CMYA5: variants seen among roughly 807,000 people sequenced by gnomAD.
CMYA5 encodes the protein cardiomyopathy-associated protein 5.
A neutral mutation model predicts 318.9 loss-of-function variants in CMYA5; 246 were observed. The observed-to-expected ratio is 0.77, with a 90% CI of 0.70 to 0.86. The LOEUF is 0.86. Ranked by LOEUF, CMYA5 falls within the 40% of genes least tolerant of loss-of-function variation. The pLI is 0.00. For missense variants in CMYA5, 4,589 were observed against 4,678.2 expected (o/e 0.98, Z 0.56); for synonymous variants, 1,641 against 1,729.5 (o/e 0.95, Z 1.27).
rs773904463 is a variant in CMYA5 at position 79,730,359 on chromosome 5, G to A, written c.1594G>A (p.Val532Ile). 53 of 1,613,846 alleles carry A rather than the reference G, an allele frequency of 3.3e-5. No individual in the cohort carries two copies. Among genetic ancestry groups the A allele is most frequent in the East Asian group, 2.5e-4 (11 of 44,884 alleles). Residue 532 changes from valine (V) to isoleucine (I), a missense_variant, in exon 2 of 13, where the codon GTA becomes ATA. Physicochemically the swap from Val to Ile is conservative, Grantham distance 29. Transcript: ENST00000446378. The stretch of plus-strand genomic sequence containing the variant: ...TTCTAATTTAGTAGAAGAAGAGATC[G>A]TAGAACTTGATTACCCAGAAAGCCC... Reference protein sequence around the residue: ...EDSNLVEEEIVELDYPESPLV... With the variant: ...EDSNLVEEEIIELDYPESPLV...
chr5:79,736,985 T>G lies in CMYA5; in HGVS notation c.8220T>G (p.Ser2740=). 1 of 1,612,988 alleles carries G rather than the reference T, an allele frequency of 6.2e-7. No homozygotes were observed. The highest frequency in any genetic ancestry group is 8.5e-7 in the Non-Finnish European group (1 of 1,179,718). Residue 2740 remains serine (S), a synonymous_variant, in exon 2 of 13, where the codon TCT becomes TCG. Transcript: ENST00000446378. The stretch of plus-strand genomic sequence containing the variant: ...ATGAAATAGAGAACCACTCTTTGTC[T>G]CAGGAAGGAAATCTAGTGTTAGAAA... ...CHDEIENHSL[S]QEGNLVLEKS...
intron 1 of CMYA5, among the ~76,000 whole-genome samples, chr5:79,705,244 C>T (rs948552363): frequency 6.6e-6 from 1 of 152,102 alleles, no homozygotes; most frequent in African/African-American, 2.4e-5. Flanking sequence ...TGCACTCCAG[C>T]CTGGGTGATA....
chr5:79,728,370 C>G (rs1473463349), intron 1 of CMYA5, among the ~76,000 whole-genome samples: 1 of 148,568 alleles, frequency 6.7e-6, no homozygotes, highest in Non-Finnish European at 1.5e-5. Flanking sequence ...GATTTTAAAG[C>G]AGGGGGTGGC....
Position 79,736,096 on chromosome 5 carries a change from A to C in CMYA5, c.7331A>C (p.Glu2444Ala), listed in dbSNP as rs749054266. Residue 2444 changes from glutamate (E) to alanine (A), a missense_variant, in exon 2 of 13, where the codon GAG (glutamate) becomes GCG (alanine). Around this residue, in one of 3 missense-constraint regions of CMYA5, gnomAD observed 2,431 missense variants for 2,495.1 expected, o/e 0.97. Coordinates refer to ENST00000446378, the MANE Select transcript of CMYA5 (RefSeq NM_153610.5). ...CCTACTTCCTTGAAAATTTCTGAAG[A>C]GGAAACAAAACTCAGGTCTGTTAGT... ...QNPTSLKISEEETKLRSVSPT... is the reference protein window; with the variant it reads ...QNPTSLKISEAETKLRSVSPT... The C allele has an allele frequency of 6.2e-7, 1 of 1,612,852 alleles. No individual in the cohort carries two copies. Among genetic ancestry groups the C allele is most frequent in the Non-Finnish European group, 8.5e-7 (1 of 1,179,602 alleles).
intron 1 of CMYA5, among the ~76,000 whole-genome samples, chr5:79,713,303 AC>A (rs1349582726): frequency 2.9e-4 from 5 of 17,224 alleles, no homozygotes; most frequent in African/African-American, 9.7e-4. Flanking sequence ...CCCCGCCCCC[AC>A]CCCCCACCCG....
Position 79,736,589 on chromosome 5 carries a change from A to T in CMYA5, c.7824A>T (p.Glu2608Asp). The T allele has an allele frequency of 6.2e-7, 1 of 1,613,806 alleles. No individual in the cohort carries two copies. Among genetic ancestry groups the T allele is most frequent in the Non-Finnish European group, 8.5e-7 (1 of 1,179,784 alleles). ...SEAMLAEAHP[E>D]IREAKAVGTQ... ...CCATGCTCGCAGAGGCTCACCCAGA[A>T]ATCAGAGAAGCAAAGGCAGTAGGAA... The change falls in exon 2 of 13, where the codon GAA becomes GAT. Residue 2608 changes from glutamate (E) to aspartate (D), a missense_variant. Around this residue, in one of 3 missense-constraint regions of CMYA5, gnomAD observed 2,431 missense variants for 2,495.1 expected, o/e 0.97. Transcript: ENST00000446378.
intron 1 of CMYA5, among the ~76,000 whole-genome samples, chr5:79,719,673 A>G (rs1054540136): frequency 1.3e-5 from 2 of 152,208 alleles, no homozygotes; most frequent in African/African-American, 2.4e-5. Flanking sequence ...GAAAATATAA[A>G]TTAGAGTTTA....
chr5:79,720,750 A>G (rs1456525244), intron 1 of CMYA5, among the ~76,000 whole-genome samples: 2 of 152,128 alleles, frequency 1.3e-5, no homozygotes, highest in Non-Finnish European at 2.9e-5. Context: ...CTAGAATTTT[A>G]TATCCTGAAA....
intron 1 of CMYA5, among the ~76,000 whole-genome samples, chr5:79,720,657 A>G (rs1827607629): frequency 1.3e-5 from 2 of 152,054 alleles, no homozygotes; most frequent in South Asian, 4.1e-4. Context: ...GCTGGTCTTG[A>G]ACTCCTGACC....
At chr5:79,786,377 T>C (rs1829081672) in intron 9 of CMYA5, among the ~76,000 whole-genome samples, 1 of 152,246 alleles carries the variant, frequency 6.6e-6, no homozygotes, top group African/African-American at 2.4e-5. Flanking sequence ...GTCAAATTTC[T>C]AATTGTCTTT....
chr5:79,735,621 A>G lies in CMYA5; in HGVS notation c.6856A>G (p.Arg2286Gly). The change falls in exon 2 of 13, where the codon AGG becomes GGG. Residue 2286 changes from arginine (R) to glycine (G), a missense_variant. Physicochemically the swap from Arg to Gly is moderately radical, Grantham distance 125. Transcript: ENST00000446378. ...QQPKFISEVSREDYGKKEISG... is the reference protein window; with the variant it reads ...QQPKFISEVSGEDYGKKEISG... ...GCCAAAATTCATTTCTGAGGTGTCT[A>G]GGGAAGATTATGGAAAAAAAGAAAT... 1 of 1,613,624 alleles carries G rather than the reference A, an allele frequency of 6.2e-7. No homozygotes were observed. Among genetic ancestry groups the G allele is most frequent in the Non-Finnish European group, 8.5e-7 (1 of 1,179,728 alleles).
chr5:79,791,684 C>T (rs1829182659), intron 11 of CMYA5, among the ~76,000 whole-genome samples: 2 of 144,750 alleles, frequency 1.4e-5, no homozygotes, highest in Admixed American at 7.0e-5. Context: ...TGTGCCATTG[C>T]ACTCCAGCCT....
chr5:79,784,913 T>C (rs1002779962), intron 9 of CMYA5, among the ~76,000 whole-genome samples: 3 of 152,134 alleles, frequency 2.0e-5, no homozygotes, highest in Non-Finnish European at 4.4e-5. Context: ...AGACCGGAGC[T>C]GTTCCTATTC....
At chr5:79,785,166 C>G (rs1829061003) in intron 9 of CMYA5, among the ~76,000 whole-genome samples, 1 of 151,972 alleles carries the variant, frequency 6.6e-6, no homozygotes, top group Admixed American at 6.6e-5. Flanking sequence ...GTCTATTGAT[C>G]CATCTATTTA....
rs773124149 is a variant in CMYA5 at position 79,738,872 on chromosome 5, C to G, written c.10107C>G (p.Val3369=). The change falls in exon 2 of 13, where the codon GTC becomes GTG. Residue 3369 remains valine, a synonymous_variant. Coordinates refer to ENST00000446378, the MANE Select transcript of CMYA5 (RefSeq NM_153610.5). ...AAGTCGGAAATGCAAGTCCAGAGGT[C>G]AATCTGAATGTCCCAGTACAAGTGT... ...GNEVGNASPE[V]NLNVPVQVSF... The G allele has an allele frequency of 1.2e-6, 2 of 1,613,710 alleles. No homozygotes were observed. Among genetic ancestry groups the G allele is most frequent in the South Asian group, 2.2e-5 (2 of 91,064 alleles).
chr5:79,737,130 A>G lies in CMYA5; in HGVS notation c.8365A>G (p.Lys2789Glu), dbSNP rs1397496194. 1.2e-6 allele frequency: 2 copies of G among 1,613,266 alleles called. No homozygotes were observed. The highest frequency in any genetic ancestry group is 8.5e-7 in the Non-Finnish European group (1 of 1,179,642). ...AAGTATGAAAGAAGGATTTCCATCT[A>G]AAGAATCCGAAAGGACTTTAGCTCG... is the stretch of plus-strand genomic sequence containing the variant. ...KESMKEGFPS[K>E]ESERTLARPF... is the part of the protein sequence containing the mutation. The change falls in exon 2 of 13, where the codon AAA (lysine) becomes GAA (glutamate). Residue 2789 changes from lysine (K) to glutamate (E), a missense_variant. By Grantham distance (56) the Lys-to-Glu change is moderately conservative. Transcript: ENST00000446378.
Position 79,729,246 on chromosome 5 carries a change from G to A in CMYA5, c.481G>A (p.Val161Ile). 2 of 1,612,104 alleles carry A rather than the reference G, an allele frequency of 1.2e-6. No individual in the cohort carries two copies. The highest frequency in any genetic ancestry group is 8.5e-7 in the Non-Finnish European group (1 of 1,179,436). Residue 161 changes from valine (V) to isoleucine (I), a missense_variant, in exon 2 of 13, where the codon GTT (valine) becomes ATT (isoleucine). Around this residue, in one of 3 missense-constraint regions of CMYA5, gnomAD observed 2,132 missense variants for 2,131.3 expected, o/e 1.00. Coordinates refer to ENST00000446378, the MANE Select transcript of CMYA5 (RefSeq NM_153610.5). Reference sequence around the variant, plus strand: ...AAGAAATTCTTTTGAATCCCAAGATGTTCCAACAAACAAAAAAGGCAGTCC... The same window carrying A: ...AAGAAATTCTTTTGAATCCCAAGATATTCCAACAAACAAAAAAGGCAGTCC... ...RKRNSFESQD[V>I]PTNKKGSPLT...
rs1476831683 is a variant in CMYA5, at chr5:79,707,705, TA to T, written c.149+17650del. 2.6e-5 allele frequency among the ~76,000 whole-genome samples: 4 copies of T among 152,278 alleles called. No homozygotes were observed. The East Asian group carries it at 5.8e-4, about 22-fold the overall frequency. On this transcript the variant is annotated intron_variant, in intron 1 of 12. Coordinates refer to ENST00000446378, the MANE Select transcript of CMYA5 (RefSeq NM_153610.5). ...ATTTCCACATAACTACCTTATAAAG[TA>T]GATATGAGCCACCTGTTGAACTAAT...
chr5:79,725,215 A>C (rs4703785), intron 1 of CMYA5, among the ~76,000 whole-genome samples: 2 of 152,036 alleles, frequency 1.3e-5, no homozygotes, highest in Non-Finnish European at 2.9e-5. Context: ...AATCAACCTA[A>C]GTGCCCATCA....
Sources: gnomAD v4.1 joint callset for allele counts (sites outside exome capture counted in the v4.1 genomes callset) on GRCh38, gnomAD v4.1.1 for gene constraint, gnomAD v4.1.1 regional missense constraint, MANE v1.5 for transcripts, NCBI Gene and HGNC (gene_info 2026-07-23, HGNC 2026-07-21) for gene names.